NRXN3: variants seen among roughly 807,000 people sequenced by gnomAD.
NRXN3 encodes the protein neurexin 3, also known as neurexin III.
A neutral mutation model predicts 137.6 loss-of-function variants in NRXN3; 32 were observed. The ratio of observed to expected loss-of-function variants is 0.23; its 90% CI spans 0.18 to 0.31. The LOEUF (loss-of-function observed/expected upper bound fraction) is 0.31, where lower values mean the gene tolerates loss of function less well. Among genes scored for constraint, NRXN3 ranks in the 10% least tolerant of loss-of-function variants. The pLI is 1.00. For missense variants in NRXN3, 1,574 were observed against 2,062.5 expected (o/e 0.76, Z 4.59); for synonymous variants, 798 against 784.5 (o/e 1.02, Z -0.29).
intron 20 of NRXN3, among the ~76,000 whole-genome samples, chr14:79,836,063 C>A (rs2099341829): frequency 6.6e-6 from 1 of 152,144 alleles, no homozygotes; most frequent in Non-Finnish European, 1.5e-5. Context: ...GACTCTGCAT[C>A]ATTAGGGTAC....
chr14:79,207,230 T>G (rs2066913534), intron 15 of NRXN3, among the ~76,000 whole-genome samples: 1 of 152,224 alleles, frequency 6.6e-6, no homozygotes, highest in Admixed American at 6.5e-5. Flanking sequence ...ACCTGGGATT[T>G]TTTAATAAAC....
chr14:78,254,450 G>T (rs1000129603), intron 2 of NRXN3, among the ~76,000 whole-genome samples: 18 of 152,174 alleles, frequency 1.2e-4, no homozygotes, highest in African/African-American at 4.1e-4. Flanking sequence ...GGAGGCCGAG[G>T]CAGGCAGATC....
chr14:79,577,120 T>A (rs902167419), intron 16 of NRXN3, among the ~76,000 whole-genome samples: 1 of 152,172 alleles, frequency 6.6e-6, no homozygotes, highest in African/African-American at 2.4e-5. Flanking sequence ...GCACGAGCTA[T>A]CTTGCCTGCT....
At chr14:78,206,349 G>A (rs769691772) in intron 1 of NRXN3, among the ~76,000 whole-genome samples, 7 of 152,166 alleles carry the variant, frequency 4.6e-5, no homozygotes, top group Admixed American at 1.3e-4. Flanking sequence ...AATGGTGTTC[G>A]TGTTTTCTTG....
At chr14:79,266,368 T>TAA (rs1393117526) in intron 15 of NRXN3, among the ~76,000 whole-genome samples, 6 of 152,124 alleles carry the variant, frequency 3.9e-5, no homozygotes, top group Non-Finnish European at 8.8e-5. Context: ...TATATATATA[T>TAA]AACCTTTAGA....
intron 4 of NRXN3, among the ~76,000 whole-genome samples, chr14:78,562,396 C>CA (rs752464669): frequency 0.12 from 5,741 of 48,710 alleles, 467 homozygotes; most frequent in African/African-American, 0.17. Context: ...ACTTATATCT[C>CA]AAAAAAAAAA....
chr14:79,389,742 G>T (rs1025106714), intron 15 of NRXN3, among the ~76,000 whole-genome samples: 5 of 152,146 alleles, frequency 3.3e-5, no homozygotes, highest in Admixed American at 6.5e-5. Context: ...AAGGACTAGG[G>T]CTTTTATCCT....
chr14:79,243,359 G>C (rs929798203), intron 15 of NRXN3, among the ~76,000 whole-genome samples: 3 of 152,162 alleles, frequency 2.0e-5, no homozygotes, highest in Non-Finnish European at 2.9e-5. Context: ...GGAGGTCAAG[G>C]CTTCATGGGG....
At chr14:78,471,645 C>T (rs931398036) in intron 4 of NRXN3, among the ~76,000 whole-genome samples, 7 of 152,076 alleles carry the variant, frequency 4.6e-5, no homozygotes, top group Non-Finnish European at 8.8e-5. Flanking sequence ...TTTTTACCCT[C>T]GTTATTTCTC....
intron 1 of NRXN3, among the ~76,000 whole-genome samples, chr14:78,208,284 T>C (rs2062403127): frequency 6.6e-6 from 1 of 152,186 alleles, no homozygotes; most frequent in African/African-American, 2.4e-5. Context: ...CCTAGAGGCC[T>C]TTCAAAACTG....
chr14:78,474,230 T>C (rs1291489974), intron 4 of NRXN3, among the ~76,000 whole-genome samples: 2 of 152,194 alleles, frequency 1.3e-5, no homozygotes, highest in Non-Finnish European at 2.9e-5. Context: ...TGGTTATTTG[T>C]AGTTTTAGAA....
In NRXN3 at chr14:78,337,735, A is replaced by G. The variant is rs574305439; in HGVS notation, c.757+39875A>G. ...ACATCCTAATTATTTCTACATTCCT[A>G]AAGCTCTGAGAAGGCCGTATATATA... is the stretch of plus-strand genomic sequence containing the variant. On this transcript the variant is annotated intron_variant, in intron 4 of 20. Coordinates refer to ENST00000335750, the MANE Select transcript of NRXN3 (RefSeq NM_001330195.2). Among the ~76,000 whole-genome samples, 9 of 152,318 alleles carry G rather than the reference A, an allele frequency of 5.9e-5. No homozygotes were observed. In the South Asian group the frequency reaches 1.7e-3, roughly 28 times the overall value.
rs139967492 is a variant in NRXN3, at chr14:79,323,548, G to T, written c.3263-143673G>T. ...ATCTATGTGGCACTATTTTTAGAAG[G>T]TTACATTGTTTTTAATATTTTATAT... On this transcript the variant is annotated intron_variant, in intron 15 of 20. Coordinates refer to ENST00000335750, the MANE Select transcript of NRXN3 (RefSeq NM_001330195.2). 2.2e-4 allele frequency among the ~76,000 whole-genome samples: 33 copies of T among 152,238 alleles called. No homozygotes were observed. The East Asian group carries it at 6.4e-3, about 29-fold the overall frequency.
intron 4 of NRXN3, among the ~76,000 whole-genome samples, chr14:78,467,075 G>A (rs1478465515): frequency 1.3e-5 from 2 of 152,118 alleles, no homozygotes; most frequent in African/African-American, 2.4e-5. Context: ...CTGAAGTAAT[G>A]TATGTCTCAC....
chr14:78,651,389 T>A, intron 6 of NRXN3, 63 bp downstream of exon 6: 1 of 1,530,400 alleles, frequency 6.5e-7, no homozygotes, highest in Non-Finnish European at 9.0e-7. Flanking sequence ...ACAAATGACA[T>A]GTCTAAATCA....
chr14:79,287,449 C>T (rs1336250473), intron 15 of NRXN3, among the ~76,000 whole-genome samples: 1 of 152,166 alleles, frequency 6.6e-6, no homozygotes, highest in Non-Finnish European at 1.5e-5. Context: ...TAAACCTGTG[C>T]AGAATTCAAA....
intron 4 of NRXN3, among the ~76,000 whole-genome samples, chr14:78,635,942 T>G (rs1410345130): frequency 1.3e-5 from 2 of 152,180 alleles, no homozygotes; most frequent in Non-Finnish European, 2.9e-5. Flanking sequence ...ATTGATATAT[T>G]TTCTTGTCAT....
At chr14:79,172,350 C>T (rs2061869857) in intron 15 of NRXN3, among the ~76,000 whole-genome samples, 1 of 152,070 alleles carries the variant, frequency 6.6e-6, no homozygotes, top group Admixed American at 6.6e-5. Context: ...GAATGTATCC[C>T]TCATGTTTAT....
chr14:79,257,312 A>G (rs919685653), intron 15 of NRXN3, among the ~76,000 whole-genome samples: 1 of 106,308 alleles, frequency 9.4e-6, no homozygotes, highest in East Asian at 3.3e-4. Context: ...GTCACATGCT[A>G]GAAGTTCTGT....
Sources: allele counts gnomAD v4.1 joint callset (sites outside exome capture counted in the v4.1 genomes callset), GRCh38; gene constraint gnomAD v4.1.1; transcripts MANE v1.5; gene names NCBI Gene and HGNC (gene_info 2026-07-23, HGNC 2026-07-21).